Variants in RSPO3 observed in about 807,000 individuals in gnomAD.
RSPO3 encodes R-spondin-3.
Under a neutral mutation model 36.5 loss-of-function variants are expected in RSPO3, and 17 were observed. That is an observed-to-expected ratio of 0.47 (90% CI 0.32 to 0.70). The LOEUF (loss-of-function observed/expected upper bound fraction) is 0.70, where lower values mean the gene tolerates loss of function less well. Among genes scored for constraint, RSPO3 ranks in the 30% least tolerant of loss-of-function variants. The probability of loss-of-function intolerance (pLI) is 0.04; values close to 1 mark genes in which losing one functional copy is unlikely to be tolerated. For missense variants in RSPO3, 294 were observed against 322.5 expected, an observed-to-expected ratio of 0.91 and a Z score of 0.68; for synonymous variants, 108 against 107.0, an observed-to-expected ratio of 1.01 and a Z score of -0.06.
chr6:127,191,831 T>C (rs1485260752), intron 4 of RSPO3, among the ~76,000 whole-genome samples: 3 of 152,226 alleles, frequency 2.0e-5, no homozygotes, highest in Admixed American at 6.5e-5. Flanking sequence ...TGCCCTTCTC[T>C]AGTTTTCAGT....
intron 4 of RSPO3, chr6:127,192,536 CA>C (rs1775432303): frequency 5.4e-6 from 2 of 368,270 alleles, no homozygotes; most frequent in Admixed American, 1.3e-4. Context: ...GCCCTAAGGA[CA>C]GTGTACTTAA....
At chr6:127,147,808 T>G (rs980414283) in intron 1 of RSPO3, among the ~76,000 whole-genome samples, 1 of 152,150 alleles carries the variant, frequency 6.6e-6, no homozygotes, top group Non-Finnish European at 1.5e-5. Context: ...TCACCAAATA[T>G]ACATTTCACT....
At chr6:127,145,266 G>C (rs1035048789) in intron 1 of RSPO3, among the ~76,000 whole-genome samples, 3 of 151,928 alleles carry the variant, frequency 2.0e-5, no homozygotes, top group African/African-American at 7.3e-5. Flanking sequence ...AAATATCCTT[G>C]AAACATGCAT....
At chr6:127,147,351 G>A (rs1774405293) in intron 1 of RSPO3, among the ~76,000 whole-genome samples, 1 of 152,122 alleles carries the variant, frequency 6.6e-6, no homozygotes, top group Non-Finnish European at 1.5e-5. Context: ...ATTTAATAAT[G>A]TTAAGGTCCA....
At position 127,197,198 on chromosome 6, in the gene RSPO3, C is replaced by G. The variant is rs1775531836; in HGVS notation, c.*1191C>G. 2.0e-6 allele frequency: 1 copy of G among 491,644 alleles called. No individual in the cohort carries two copies. Among genetic ancestry groups the G allele is most frequent in the South Asian group, 3.3e-5 (1 of 30,382 alleles). 30.5% of individuals were successfully genotyped at this position (491,644 alleles called of 1,614,324 possible). A position where few individuals can be genotyped will look rare whatever the true frequency, so the allele number is the denominator to read the frequency against. On this transcript the variant is annotated 3_prime_UTR_variant, in exon 5 of 5. Transcript: ENST00000356698. ...AGTAATATTTGTTTTTTGAATCCAC[C>G]TTTATCTGAGCCAATGGAGATTTAC...
chr6:127,179,538 GT>G (rs1472820117), intron 4 of RSPO3, among the ~76,000 whole-genome samples: 5 of 151,878 alleles, frequency 3.3e-5, no homozygotes, highest in Non-Finnish European at 7.4e-5. Context: ...CTTTAAAACT[GT>G]TTTGGACATG....
chr6:127,125,337 A>G (rs530707920), intron 1 of RSPO3, among the ~76,000 whole-genome samples: 54 of 152,302 alleles, frequency 3.5e-4, no homozygotes, highest in Non-Finnish European at 7.2e-4. Context: ...CTGAGACCTG[A>G]GAAAGAAGGC....
intron 3 of RSPO3, among the ~76,000 whole-genome samples, chr6:127,152,696 C>G (rs62438474): frequency 9.3e-4 from 141 of 152,112 alleles, no homozygotes; most frequent in Middle Eastern, 3.4e-3. Context: ...TGATATAGAG[C>G]TGGGATGAAA....
At chr6:127,136,833 G>A (rs751289735) in intron 1 of RSPO3, among the ~76,000 whole-genome samples, 19 of 152,206 alleles carry the variant, frequency 1.2e-4, no homozygotes, top group Middle Eastern at 3.4e-3. Flanking sequence ...GACAAGAAAG[G>A]CATGTATATT....
intron 4 of RSPO3, among the ~76,000 whole-genome samples, chr6:127,193,653 A>G (rs1421329107): frequency 1.3e-5 from 2 of 151,964 alleles, no homozygotes; most frequent in Non-Finnish European, 2.9e-5. Context: ...GAAAACTAGT[A>G]TTTTTCTCTG....
intron 4 of RSPO3, among the ~76,000 whole-genome samples, chr6:127,185,083 G>A (rs1018004682): frequency 6.6e-6 from 1 of 151,820 alleles, no homozygotes; most frequent in Admixed American, 6.6e-5. Context: ...ATTACAGGGT[G>A]GATATTTCTA....
intron 4 of RSPO3, among the ~76,000 whole-genome samples, chr6:127,157,575 T>C (rs909106880): frequency 2.0e-5 from 3 of 152,070 alleles, no homozygotes; most frequent in African/African-American, 7.2e-5. Context: ...CTGATTTGTT[T>C]TCTTCCCCTC....
At chr6:127,170,724 G>A (rs561377200) in intron 4 of RSPO3, among the ~76,000 whole-genome samples, 2 of 151,718 alleles carry the variant, frequency 1.3e-5, no homozygotes, top group African/African-American at 4.8e-5. Flanking sequence ...TCTAACTCAC[G>A]CCACAGCATA....
chr6:127,178,265 C>T (rs1775095513), intron 4 of RSPO3, among the ~76,000 whole-genome samples: 1 of 151,738 alleles, frequency 6.6e-6, no homozygotes, highest in Non-Finnish European at 1.5e-5. Flanking sequence ...AAGTTCTACA[C>T]ATAAGCTTCT....
chr6:127,175,118 C>T lies in RSPO3; in HGVS notation c.634+19680C>T, dbSNP rs553563928. Among the ~76,000 whole-genome samples the T allele has an allele frequency of 2.6e-5, 4 of 151,922 alleles. No individual in the cohort carries two copies. The South Asian group carries it at 6.2e-4, about 24-fold the overall frequency. On this transcript the variant is annotated intron_variant, in intron 4 of 4. Transcript: ENST00000356698. The stretch of plus-strand genomic sequence containing the variant: ...CAGCTTATCAAAAGCTTTCAATGCT[C>T]ATTCTCTTTACATTCAATAATTCAT...
chr6:127,134,594 A>T (rs191371879), intron 1 of RSPO3, among the ~76,000 whole-genome samples: 2 of 152,312 alleles, frequency 1.3e-5, no homozygotes, highest in East Asian at 3.9e-4. Context: ...AACTTTGTTG[A>T]TGACCTTTCC....
chr6:127,136,588 C>A (rs1409273073), intron 1 of RSPO3, among the ~76,000 whole-genome samples: 2 of 152,086 alleles, frequency 1.3e-5, no homozygotes, highest in Non-Finnish European at 2.9e-5. Context: ...TTTCTCAACA[C>A]CCTTTTGGAA....
At chr6:127,121,174 C>T (rs932250244) in intron 1 of RSPO3, among the ~76,000 whole-genome samples, 2 of 152,180 alleles carry the variant, frequency 1.3e-5, no homozygotes, top group African/African-American at 4.8e-5. Context: ...GTGTCAGAGG[C>T]GTCTCGCTTT....
intron 1 of RSPO3, among the ~76,000 whole-genome samples, chr6:127,142,982 ATTTT>A (rs34440525): frequency 7.0e-6 from 1 of 143,140 alleles, no homozygotes. Flanking sequence ...TGCCCAGCTA[ATTTT>A]TTTTTTTTTT....
Sources: gnomAD v4.1 joint callset for allele counts (sites outside exome capture counted in the v4.1 genomes callset) on GRCh38, gnomAD v4.1.1 for gene constraint, MANE v1.5 for transcripts, NCBI Gene and HGNC (gene_info 2026-07-23, HGNC 2026-07-21) for gene names.